Variants in CTTNBP2 observed in about 807,000 individuals in gnomAD.
CTTNBP2 encodes the protein cortactin binding protein 2.
A neutral mutation model predicts 156.9 loss-of-function variants in CTTNBP2; 108 were observed. That is an observed-to-expected ratio of 0.69 (90% CI 0.59 to 0.81). CTTNBP2 has a LOEUF of 0.81. Among genes scored for constraint, CTTNBP2 ranks in the 30% least tolerant of loss-of-function variants. CTTNBP2 has a pLI of 0.00. For missense variants in CTTNBP2, 1,924 were observed against 2,035.4 expected (o/e 0.95, Z 1.05); for synonymous variants, 767 against 751.8 (o/e 1.02, Z -0.33).
At chr7:117,829,560 C>G (rs1801482385) in intron 2 of CTTNBP2, among the ~76,000 whole-genome samples, 1 of 152,184 alleles carries the variant, frequency 6.6e-6, no homozygotes, top group Non-Finnish European at 1.5e-5. Flanking sequence ...TCTCAGGACA[C>G]AGGGATCCAC....
intron 2 of CTTNBP2, among the ~76,000 whole-genome samples, chr7:117,832,158 T>C (rs1383626598): frequency 6.6e-6 from 1 of 152,204 alleles, no homozygotes; most frequent in South Asian, 2.1e-4. Flanking sequence ...AACCTGAGTG[T>C]CCACAGAGAC....
In CTTNBP2 at chr7:117,745,825, T is replaced by C. The variant is rs759289263; in HGVS notation, c.3535+6A>G. 12 of 1,604,232 alleles carry C rather than the reference T, an allele frequency of 7.5e-6. No individual in the cohort carries two copies. The South Asian group carries it at 1.1e-4, about 15-fold the overall frequency. The stretch of plus-strand genomic sequence containing the variant: ...TATCACAGGCAATTTGCTGAAATGT[T>C]CTTACCGCTACTAATGAACAGGTCT... On this transcript the variant is annotated splice_donor_region_variant and intron_variant, in intron 14 of 22. Coordinates refer to ENST00000160373, the MANE Select transcript of CTTNBP2 (RefSeq NM_033427.3).
At chr7:117,794,632 T>C (rs1323155739) in intron 3 of CTTNBP2, among the ~76,000 whole-genome samples, 1 of 152,252 alleles carries the variant, frequency 6.6e-6, no homozygotes, top group Admixed American at 6.5e-5. Flanking sequence ...GAAAATGGCT[T>C]GCTATACAAC....
At chr7:117,827,591 T>C (rs1436904550) in intron 2 of CTTNBP2, among the ~76,000 whole-genome samples, 1 of 152,226 alleles carries the variant, frequency 6.6e-6, no homozygotes, top group Non-Finnish European at 1.5e-5. Context: ...GAAGTTTCCC[T>C]GAGGTGTTTC....
Position 117,791,165 on chromosome 7 carries a change from T to G in CTTNBP2, c.2031A>C (p.Arg677Ser), listed in dbSNP as rs1182144457. Residue 677 changes from arginine (R) to serine (S), a missense_variant, in exon 4 of 23, where the codon AGA becomes AGC. Arg to Ser is a moderately radical substitution (Grantham distance 110). Transcript: ENST00000160373. The part of the protein sequence containing the change: ...SINPVSASSC[R>S]PGASDSLLVT... ...CCAGGAGGCTGTCTGAGGCACCTGGTCTACAGGATGAGGCACTAACGGGGT... is the reference window on the plus strand; with the variant it reads ...CCAGGAGGCTGTCTGAGGCACCTGGGCTACAGGATGAGGCACTAACGGGGT... 6.2e-7 allele frequency: 1 copy of G among 1,614,122 alleles called. No homozygotes were observed. Among genetic ancestry groups the G allele is most frequent in the Non-Finnish European group, 8.5e-7 (1 of 1,179,996 alleles).
chr7:117,801,679 CAT>C (rs1423571154), intron 3 of CTTNBP2, among the ~76,000 whole-genome samples: 54 of 151,956 alleles, frequency 3.6e-4, no homozygotes, highest in Non-Finnish European at 7.4e-5. Context: ...AGTAAAAAAC[CAT>C]ATGTCTTTAA....
At chr7:117,857,640 A>G (rs888537928) in intron 2 of CTTNBP2, among the ~76,000 whole-genome samples, 1 of 152,202 alleles carries the variant, frequency 6.6e-6, no homozygotes, top group Non-Finnish European at 1.5e-5. Context: ...TATAATTTAT[A>G]TATTAAGTTC....
At chr7:117,865,844 G>A (rs1804156075) in intron 1 of CTTNBP2, among the ~76,000 whole-genome samples, 1 of 149,738 alleles carries the variant, frequency 6.7e-6, no homozygotes, top group African/African-American at 2.4e-5. Context: ...GGTCATCAAA[G>A]TATGTCTTGT....
At chr7:117,786,204 T>C (rs904113093) in intron 4 of CTTNBP2, among the ~76,000 whole-genome samples, 1 of 152,208 alleles carries the variant, frequency 6.6e-6, no homozygotes, top group Non-Finnish European at 1.5e-5. Flanking sequence ...ATATTATATC[T>C]TTATAATCAA....
Position 117,771,160 on chromosome 7 carries a change from G to T in CTTNBP2, c.2779-3984C>A, listed in dbSNP as rs149554369. Among the ~76,000 whole-genome samples the T allele has an allele frequency of 3.9e-5, 6 of 152,212 alleles. No individual in the cohort carries two copies. The East Asian group carries it at 1.2e-3, about 29-fold the overall frequency. On this transcript the variant is annotated intron_variant, in intron 8 of 22. Transcript: ENST00000160373. ...ACCAAGGACAGAGGAGAGGTTGAGG[G>T]GTGAGGGAAGTGCCAGGCTCCTTTA...
chr7:117,817,358 A>ATATAT lies in CTTNBP2; in HGVS notation c.190-6370_190-6369insATATA, dbSNP rs1563037636. On this transcript the variant is annotated intron_variant, in intron 2 of 22. Transcript: ENST00000160373. ...CAAAAAAAAAAAAAAAAAAAAAAAA[A>ATATAT]AAAATATATATATATATATATATAT... Among the ~76,000 whole-genome samples, 2 of 78,944 alleles carry ATATAT rather than the reference A, an allele frequency of 2.5e-5. 1 individual carries two copies. The highest frequency in any genetic ancestry group is 5.0e-5 in the Non-Finnish European group (2 of 39,824). The allele number at this position is 78,944 out of a possible 152,430, so 51.8% of individuals were successfully genotyped here.
chr7:117,745,945 T>C lies in CTTNBP2; in HGVS notation c.3436-15A>G. On this transcript the variant is annotated splice_polypyrimidine_tract_variant and intron_variant, in intron 13 of 22. Coordinates refer to ENST00000160373, the MANE Select transcript of CTTNBP2 (RefSeq NM_033427.3). ...ATTTGTCTGTGCTGTGATAAGAAAATAGGGTGATTAGTTCTACGCACTTGC... is the reference window on the plus strand; with the variant it reads ...ATTTGTCTGTGCTGTGATAAGAAAACAGGGTGATTAGTTCTACGCACTTGC... 6.2e-7 allele frequency: 1 copy of C among 1,612,766 alleles called. No individual in the cohort carries two copies. Among genetic ancestry groups the C allele is most frequent in the Non-Finnish European group, 8.5e-7 (1 of 1,178,784 alleles).
chr7:117,792,012 G>A lies in CTTNBP2; in HGVS notation c.1184C>T (p.Thr395Ile). The change falls in exon 4 of 23, where the codon ACC (threonine) becomes ATC (isoleucine). Residue 395 changes from threonine to isoleucine, a missense_variant. Transcript: ENST00000160373. This position sits in a 1 kb window ranked among gnomAD's most constrained non-coding sequence, Gnocchi z 4.2. ...ACTGGGAAGTGGGGGTGTGCTACTG[G>A]TTGGATCTGGTGTTGAGCCAGTGCT... Reference protein sequence around the residue: ...GPSTGSTPDPTSSTPPLPSNA... With the variant: ...GPSTGSTPDPISSTPPLPSNA... 1.2e-6 allele frequency: 2 copies of A among 1,614,118 alleles called. No individual in the cohort carries two copies. Among genetic ancestry groups the A allele is most frequent in the Non-Finnish European group, 1.7e-6 (2 of 1,180,036 alleles).
Position 117,735,113 on chromosome 7 carries a change from A to T in CTTNBP2, c.3689-13T>A, listed in dbSNP as rs1795611808. On this transcript the variant is annotated splice_polypyrimidine_tract_variant and intron_variant, in intron 15 of 22. Coordinates refer to ENST00000160373, the MANE Select transcript of CTTNBP2 (RefSeq NM_033427.3). ...GACAGTCCATTTCCTGAAACAAACC[A>T]AAAAGCAATGGCCCATCCTCAGTGA... 6 of 1,608,040 alleles carry T rather than the reference A, an allele frequency of 3.7e-6. No individual in the cohort carries two copies. The East Asian group carries it at 8.9e-5, about 24-fold the overall frequency.
At chr7:117,828,737 C>A (rs919021242) in intron 2 of CTTNBP2, among the ~76,000 whole-genome samples, 2 of 152,176 alleles carry the variant, frequency 1.3e-5, no homozygotes, top group African/African-American at 4.8e-5. Context: ...AATGAAAATT[C>A]ATCAAGAACT....
intron 2 of CTTNBP2, among the ~76,000 whole-genome samples, chr7:117,844,474 T>A (rs1802466473): frequency 6.6e-6 from 1 of 152,102 alleles, no homozygotes; most frequent in Admixed American, 6.5e-5. Context: ...TCCAACATTA[T>A]TTTTTTCCTG....
At chr7:117,810,105 G>A (rs1405753403) in intron 3 of CTTNBP2, among the ~76,000 whole-genome samples, 1 of 152,114 alleles carries the variant, frequency 6.6e-6, no homozygotes, top group Non-Finnish European at 1.5e-5. Flanking sequence ...AGGAATATGT[G>A]TGTGATGGTG....
In CTTNBP2 at chr7:117,840,840, A is replaced by G. The variant is rs115753429; in HGVS notation, c.189+20369T>C. ...TGAAATAGCCCAGCATGGACTCTGA[A>G]GGAAGAATGGGTCTGGGTAGTGCAA... is the stretch of plus-strand genomic sequence containing the variant. On this transcript the variant is annotated intron_variant, in intron 2 of 22. Coordinates refer to ENST00000160373, the MANE Select transcript of CTTNBP2 (RefSeq NM_033427.3). Among the ~76,000 whole-genome samples, 544 of 152,272 alleles carry G rather than the reference A, an allele frequency of 3.6e-3. 3 individuals are homozygous for G. Among genetic ancestry groups the G allele is most frequent in the African/African-American group, 0.013 (530 of 41,552 alleles).
At chr7:117,733,997 C>T (rs949723459) in intron 16 of CTTNBP2, among the ~76,000 whole-genome samples, 3 of 152,188 alleles carry the variant, frequency 2.0e-5, no homozygotes, top group Non-Finnish European at 4.4e-5. Context: ...CTGAGGAAGC[C>T]GAAGCTCTCT....
Sources: allele counts gnomAD v4.1 joint callset (sites outside exome capture counted in the v4.1 genomes callset), GRCh38; gene constraint gnomAD v4.1.1; non-coding constraint Gnocchi (gnomAD v3.1); transcripts MANE v1.5; gene names NCBI Gene and HGNC (gene_info 2026-07-23, HGNC 2026-07-21).